The following ERC1 variants were observed in gnomAD, a reference collection of about 807,000 sequenced individuals.
ERC1 encodes the protein RAB6 interacting protein 2.
Under a neutral mutation model 132.0 loss-of-function variants are expected in ERC1, and 56 were observed. That is an observed-to-expected ratio of 0.42 (90% CI 0.34 to 0.53). ERC1 has a LOEUF of 0.53. Ranked by LOEUF, ERC1 falls within the 20% of genes least tolerant of loss-of-function variation. The probability of loss-of-function intolerance (pLI) is 0.03; values close to 1 mark genes in which losing one functional copy is unlikely to be tolerated. For missense variants in ERC1, 1,202 were observed against 1,349.9 expected, an observed-to-expected ratio of 0.89 and a Z score of 1.72; for synonymous variants, 478 against 476.1, an observed-to-expected ratio of 1.00 and a Z score of -0.05.
chr12:1,245,339 T>C (rs1195576460), intron 13 of ERC1, among the ~76,000 whole-genome samples: 1 of 152,238 alleles, frequency 6.6e-6, no homozygotes, highest in Admixed American at 6.5e-5. Flanking sequence ...TAGTTTTGTA[T>C]ATTTTGTACT....
chr12:1,301,358 A>T (rs926101326), intron 15 of ERC1, among the ~76,000 whole-genome samples: 2 of 152,226 alleles, frequency 1.3e-5, no homozygotes, highest in African/African-American at 4.8e-5. Context: ...AACAAGACAC[A>T]TGTACACATA....
At chr12:1,049,370 T>A (rs1455665002) in intron 2 of ERC1, among the ~76,000 whole-genome samples, 1 of 152,182 alleles carries the variant, frequency 6.6e-6, no homozygotes, top group Non-Finnish European at 1.5e-5. Flanking sequence ...ATTCTCAACC[T>A]TGGCTGCATA....
At chr12:1,054,879 G>T (rs1972658229) in intron 2 of ERC1, among the ~76,000 whole-genome samples, 1 of 152,116 alleles carries the variant, frequency 6.6e-6, no homozygotes, top group South Asian at 2.1e-4. Context: ...TGTATACCGT[G>T]TGTGATTTTA....
At chr12:1,222,701 A>G (rs138310780) in intron 12 of ERC1, among the ~76,000 whole-genome samples, 2,102 of 152,256 alleles carry the variant, frequency 0.014, 54 homozygotes, top group African/African-American at 0.048. Flanking sequence ...TAATTTGACA[A>G]TAGAAGCATC....
At position 991,241 on chromosome 12, in the gene ERC1, C is replaced by G. The variant is rs1959190478; in HGVS notation, c.-238C>G. Reference sequence around the variant, plus strand: ...TGACGTCGCGGGCGCCTGGGCCGTGCTGTGGCGGCGGCGGCGGCGGTAGTG... The same window carrying G: ...TGACGTCGCGGGCGCCTGGGCCGTGGTGTGGCGGCGGCGGCGGCGGTAGTG... On this transcript the variant is annotated 5_prime_UTR_variant, in exon 1 of 19. Transcript: ENST00000360905. 1.2e-5 allele frequency: 2 copies of G among 166,392 alleles called. No individual in the cohort carries two copies. Among genetic ancestry groups the G allele is most frequent in the South Asian group, 1.7e-4 (1 of 5,998 alleles). 10.3% of individuals were successfully genotyped at this position (166,392 alleles called of 1,614,324 possible).
chr12:1,413,109 G>A (rs1055917504), intron 17 of ERC1, among the ~76,000 whole-genome samples: 13 of 152,104 alleles, frequency 8.5e-5, no homozygotes, highest in Non-Finnish European at 1.9e-4. Context: ...TATATGTTGA[G>A]GAATTTTTTC....
At chr12:1,241,856 T>C (rs1350524276) in intron 13 of ERC1, among the ~76,000 whole-genome samples, 1 of 133,662 alleles carries the variant, frequency 7.5e-6, no homozygotes, top group African/African-American at 2.8e-5. Flanking sequence ...TCTTTTTTTT[T>C]TTTTTTTTTT....
intron 2 of ERC1, among the ~76,000 whole-genome samples, chr12:1,061,989 CTTTTTTTTT>C (rs896825718): frequency 8.5e-6 from 1 of 117,384 alleles, no homozygotes. Context: ...TTCTTTTCTT[CTTTTTTTTT>C]TTTTTTTTTT....
chr12:1,316,976 A>G (rs766699740), intron 15 of ERC1, among the ~76,000 whole-genome samples: 62 of 152,254 alleles, frequency 4.1e-4, no homozygotes, highest in East Asian at 1.9e-3. Context: ...CCTGGCCAAC[A>G]TGGTGAAACC....
At chr12:1,293,234 C>T (rs746250067) in intron 15 of ERC1, among the ~76,000 whole-genome samples, 4 of 150,806 alleles carry the variant, frequency 2.7e-5, no homozygotes, top group Non-Finnish European at 5.9e-5. Context: ...GCGGGCAGAT[C>T]ACGAGGTCAG....
intron 15 of ERC1, among the ~76,000 whole-genome samples, chr12:1,358,020 G>T (rs1310770142): frequency 6.6e-6 from 1 of 152,124 alleles, no homozygotes; most frequent in Non-Finnish European, 1.5e-5. Context: ...TATCTGTCTT[G>T]TGATAGCCCT....
chr12:1,231,180 C>T (rs939941561), intron 12 of ERC1, among the ~76,000 whole-genome samples: 1 of 150,710 alleles, frequency 6.6e-6, no homozygotes, highest in Non-Finnish European at 1.5e-5. Flanking sequence ...TAATTCCTTT[C>T]TATCTTTTAT....
At chr12:1,043,217 T>C (rs2154161607) in intron 2 of ERC1, among the ~76,000 whole-genome samples, 1 of 152,094 alleles carries the variant, frequency 6.6e-6, no homozygotes, top group East Asian at 1.9e-4. Flanking sequence ...CTAATTTTTG[T>C]ATTTTTTAGT....
rs77895425 is a variant in ERC1 at position 1,472,143 on chromosome 12, T to C, written c.3214-17950T>C. On this transcript the variant is annotated intron_variant, in intron 18 of 18. Transcript: ENST00000360905. ...ATTTGCCTGAGCTGCAGGTCGGGGATAGGGGACAGGGTAGAAAACTAAATG... is the reference window on the plus strand; with the variant it reads ...ATTTGCCTGAGCTGCAGGTCGGGGACAGGGGACAGGGTAGAAAACTAAATG... 4.5e-3 allele frequency among the ~76,000 whole-genome samples: 680 copies of C among 152,290 alleles called. 5 individuals are homozygous for C. The highest frequency in any genetic ancestry group is 0.016 in the African/African-American group (656 of 41,552).
intron 2 of ERC1, among the ~76,000 whole-genome samples, chr12:1,057,193 G>A (rs1312962711): frequency 2.6e-5 from 4 of 151,810 alleles, no homozygotes; most frequent in South Asian, 4.2e-4. Context: ...GCGATCTCTC[G>A]GCTCACTGCA....
At chr12:1,115,713 C>A in intron 6 of ERC1, 153 bp from the exon 7 acceptor site, 1 of 598,776 alleles carries the variant, frequency 1.7e-6, no homozygotes. Context: ...TGGGGAGATC[C>A]AAGGTTATGT....
At chr12:1,416,546 G>A (rs981342236) in intron 17 of ERC1, among the ~76,000 whole-genome samples, 3 of 152,218 alleles carry the variant, frequency 2.0e-5, no homozygotes, top group Admixed American at 6.5e-5. Flanking sequence ...AACTACAGAT[G>A]TGAGGAGCTC....
chr12:1,000,540 T>C (rs1962025545), intron 1 of ERC1, among the ~76,000 whole-genome samples: 1 of 151,466 alleles, frequency 6.6e-6, no homozygotes, highest in South Asian at 2.1e-4. Context: ...TGAAAATTTG[T>C]GTGAACTTAA....
At chr12:1,401,087 C>T (rs181023670) in intron 16 of ERC1, among the ~76,000 whole-genome samples, 85 of 151,604 alleles carry the variant, frequency 5.6e-4, no homozygotes, top group East Asian at 4.2e-3. Flanking sequence ...AGACGCCCAC[C>T]GCTGCGCCCG....
Sources: allele counts gnomAD v4.1 joint callset (sites outside exome capture counted in the v4.1 genomes callset), GRCh38; gene constraint gnomAD v4.1.1; transcripts MANE v1.5; gene names NCBI Gene and HGNC (gene_info 2026-07-23, HGNC 2026-07-21).